The following STK32B variants were observed in gnomAD, a reference collection of about 807,000 sequenced individuals.
The protein encoded by STK32B is serine/threonine kinase 32B, also known as serine/threonine-protein kinase 32B.
Under a neutral mutation model 52.6 loss-of-function variants are expected in STK32B, and 43 were observed. That is an observed-to-expected ratio of 0.82 (90% CI 0.64 to 1.05). STK32B has a LOEUF of 1.05. STK32B is among the 50% of genes least tolerant of loss of function. STK32B has a pLI of 0.00. For synonymous variants in STK32B, 238 were observed against 204.3 expected (o/e 1.17, Z -1.41); for missense variants, 621 against 534.6 (o/e 1.16, Z -1.59).
chr4:5,327,681 T>G lies in STK32B; in HGVS notation c.261-3539T>G, dbSNP rs144805544. Among the ~76,000 whole-genome samples, 907 of 152,252 alleles carry G rather than the reference T, an allele frequency of 6.0e-3. 5 individuals are homozygous for G. Among genetic ancestry groups the G allele is most frequent in the African/African-American group, 0.021 (865 of 41,528 alleles). On this transcript the variant is annotated intron_variant, in intron 3 of 11. Coordinates refer to ENST00000282908, the MANE Select transcript of STK32B (RefSeq NM_018401.3). Reference sequence around the variant, plus strand: ...ACTTATAGAACACAGGCAATAGATTTAGCATAATTCTTAAGGGCCCTGGTA... The same window carrying G: ...ACTTATAGAACACAGGCAATAGATTGAGCATAATTCTTAAGGGCCCTGGTA...
chr4:5,499,918 A>G lies in STK32B; in HGVS notation c.*835A>G, dbSNP rs1452600858. ...CCCAGACCTGCAGCAGAACTCTCCA[A>G]CTCTCTATCAGCTTTCAGGGTTTTC... On this transcript the variant is annotated 3_prime_UTR_variant, in exon 12 of 12. Transcript: ENST00000282908. 1.3e-5 allele frequency: 2 copies of G among 152,100 alleles called. No homozygotes were observed. 9.4% of individuals were successfully genotyped at this position (152,100 alleles called of 1,614,324 possible). A position where few individuals can be genotyped will look rare whatever the true frequency, so the allele number is the denominator to read the frequency against.
At chr4:5,184,957 T>G (rs1303302869) in intron 3 of STK32B, among the ~76,000 whole-genome samples, 1 of 152,210 alleles carries the variant, frequency 6.6e-6, no homozygotes, top group Non-Finnish European at 1.5e-5. Context: ...CACTTGTCCT[T>G]TGAGGCTGGC....
chr4:5,166,448 T>C (rs1035845730), intron 2 of STK32B, among the ~76,000 whole-genome samples: 1 of 148,754 alleles, frequency 6.7e-6, no homozygotes, highest in Admixed American at 6.8e-5. Context: ...AATGGCGTCA[T>C]TTTAAGTGTA....
In STK32B at chr4:5,470,233, C is replaced by A. The variant is rs140820664; in HGVS notation, c.1106+2163C>A. 6.6e-6 allele frequency among the ~76,000 whole-genome samples: 1 copy of A among 152,150 alleles called. No individual in the cohort carries two copies. The highest frequency in any genetic ancestry group is 6.5e-5 in the Admixed American group (1 of 15,274). On this transcript the variant is annotated intron_variant, in intron 11 of 11. Coordinates refer to ENST00000282908, the MANE Select transcript of STK32B (RefSeq NM_018401.3). This position sits in a 1 kb window ranked among gnomAD's most constrained non-coding sequence, Gnocchi z 4.6. ...AGCCGAGTAGATGTTTTCTTCCTCA[C>A]GTGTAAATGGGAATTGATGAGGGAA...
intron 3 of STK32B, among the ~76,000 whole-genome samples, chr4:5,224,771 A>G (rs571556174): frequency 1.3e-5 from 2 of 152,316 alleles, no homozygotes; most frequent in East Asian, 3.9e-4. Context: ...ATGGTGATGT[A>G]TTAATCATAT....
intron 1 of STK32B, among the ~76,000 whole-genome samples, chr4:5,084,335 T>G (rs1466912235): frequency 6.6e-6 from 1 of 152,226 alleles, no homozygotes; most frequent in African/African-American, 2.4e-5. Context: ...GCCAAACTTC[T>G]GTATTACAAA....
At chr4:5,230,178 C>CT (rs752036100) in intron 3 of STK32B, among the ~76,000 whole-genome samples, 2,603 of 70,998 alleles carry the variant, frequency 0.037, 202 homozygotes, top group Non-Finnish European at 0.042. Context: ...CATGCATTCC[C>CT]TTTTTTTTTT....
intron 11 of STK32B, among the ~76,000 whole-genome samples, chr4:5,480,697 A>G (rs1237612767): frequency 3.3e-5 from 5 of 151,930 alleles, no homozygotes; most frequent in African/African-American, 1.2e-4. Context: ...TCGTCATTTA[A>G]CATTAGGTAT....
At chr4:5,321,831 G>C (rs941584469) in intron 3 of STK32B, among the ~76,000 whole-genome samples, 1 of 152,096 alleles carries the variant, frequency 6.6e-6, no homozygotes, top group Non-Finnish European at 1.5e-5. Flanking sequence ...GCCTGGAGGT[G>C]CTGGATGGCT....
chr4:5,468,192 G>T (rs889632161), intron 11 of STK32B, 122 bp downstream of exon 11: 23 of 916,132 alleles, frequency 2.5e-5, no homozygotes, highest in Non-Finnish European at 3.5e-5. Flanking sequence ...AGGTATCGCT[G>T]AGGTGAGACA....
intron 3 of STK32B, among the ~76,000 whole-genome samples, chr4:5,277,096 C>T (rs1023697246): frequency 3.3e-5 from 5 of 152,160 alleles, no homozygotes; most frequent in African/African-American, 9.7e-5. Flanking sequence ...GTGGGGCATT[C>T]GAAAGACAAC....
intron 2 of STK32B, among the ~76,000 whole-genome samples, chr4:5,161,017 C>A (rs1718398506): frequency 6.6e-6 from 1 of 152,114 alleles, no homozygotes; most frequent in Non-Finnish European, 1.5e-5. Context: ...CTGAGGCCAG[C>A]CCACTTAGGG....
chr4:5,475,424 C>CA (rs34219344), intron 11 of STK32B, among the ~76,000 whole-genome samples: 28,762 of 56,834 alleles, frequency 0.51, 7,522 homozygotes, highest in Non-Finnish European at 0.57. Context: ...GACTCCATCT[C>CA]AAAAAAAAAA....
intron 1 of STK32B, among the ~76,000 whole-genome samples, chr4:5,069,556 G>A (rs980132164): frequency 7.2e-5 from 11 of 152,302 alleles, no homozygotes; most frequent in African/African-American, 1.4e-4. Context: ...GCCTGGAGTC[G>A]AAAGCTGCCT....
intron 1 of STK32B, among the ~76,000 whole-genome samples, chr4:5,115,703 G>A (rs1714677724): frequency 6.6e-6 from 1 of 152,172 alleles, no homozygotes; most frequent in African/African-American, 2.4e-5. Flanking sequence ...CCTCAGGAGA[G>A]CTGGTGCTTT....
chr4:5,271,056 G>C lies in STK32B; in HGVS notation c.261-60164G>C, dbSNP rs967178956. On this transcript the variant is annotated intron_variant, in intron 3 of 11. Transcript: ENST00000282908. ...AGATTCAAGCAATTCTCCTGCCTCA[G>C]CCTCCTGAGTAGCTGGGACTGCAGG... 2.6e-5 allele frequency among the ~76,000 whole-genome samples: 4 copies of C among 151,016 alleles called. No individual in the cohort carries two copies. In the South Asian group the frequency reaches 8.5e-4, roughly 32 times the overall value.
intron 4 of STK32B, among the ~76,000 whole-genome samples, chr4:5,338,709 G>A (rs746442628): frequency 3.3e-5 from 5 of 152,174 alleles, no homozygotes; most frequent in Non-Finnish European, 5.9e-5. Flanking sequence ...CCAGATTTCA[G>A]AAAAAATTTT....
chr4:5,137,605 A>G (rs192455325), intron 1 of STK32B, among the ~76,000 whole-genome samples: 2 of 152,242 alleles, frequency 1.3e-5, no homozygotes, highest in African/African-American at 2.4e-5. Flanking sequence ...CATTTTCCCT[A>G]TTTTACAAAT....
chr4:5,419,169 T>A (rs1182062129), intron 6 of STK32B, among the ~76,000 whole-genome samples: 1 of 152,224 alleles, frequency 6.6e-6, no homozygotes, highest in Non-Finnish European at 1.5e-5. Context: ...AACTTTGTTT[T>A]TCTAAACTTT....
Sources: gnomAD v4.1 joint callset for allele counts (sites outside exome capture counted in the v4.1 genomes callset) on GRCh38, gnomAD v4.1.1 for gene constraint, Gnocchi (gnomAD v3.1) non-coding constraint, MANE v1.5 for transcripts, NCBI Gene and HGNC (gene_info 2026-07-23, HGNC 2026-07-21) for gene names.